The following PPA2 variants were observed in gnomAD, a reference collection of about 807,000 sequenced individuals.
The protein encoded by PPA2 is inorganic pyrophosphatase 2, mitochondrial.
Under a neutral mutation model 49.5 loss-of-function variants are expected in PPA2, and 48 were observed. The ratio of observed to expected loss-of-function variants is 0.97; its 90% CI spans 0.77 to 1.23. PPA2 has a LOEUF of 1.23. Among genes scored for constraint, PPA2 ranks in the 50% most tolerant of loss-of-function variants. The pLI is 0.00. For missense variants in PPA2, 429 were observed against 410.1 expected (o/e 1.05, Z -0.40); for synonymous variants, 131 against 139.9 (o/e 0.94, Z 0.45).
chr4:105,469,543 T>G (rs1229718843), intron 1 of PPA2, among the ~76,000 whole-genome samples: 1 of 152,182 alleles, frequency 6.6e-6, no homozygotes, highest in Non-Finnish European at 1.5e-5. Flanking sequence ...CTTATAGAGA[T>G]TCTTACTGGA....
intron 6 of PPA2, among the ~76,000 whole-genome samples, chr4:105,437,261 A>AG (rs36048348): frequency 0.57 from 86,869 of 151,958 alleles, 25,196 homozygotes; most frequent in East Asian, 0.68. Context: ...CTGGTTTCTG[A>AG]GCTCTACAAA....
At chr4:105,414,207 C>T (rs1276034467) in intron 7 of PPA2, among the ~76,000 whole-genome samples, 1 of 152,180 alleles carries the variant, frequency 6.6e-6, no homozygotes, top group Non-Finnish European at 1.5e-5. Context: ...AGCATTTACT[C>T]TCATACACTG....
Position 105,414,775 on chromosome 4 carries a change from C to A in PPA2, c.655+9421G>T, listed in dbSNP as rs563250794. Among the ~76,000 whole-genome samples the A allele has an allele frequency of 6.1e-4, 93 of 152,288 alleles. 5 individuals carry two copies. The South Asian group carries it at 0.019, about 31-fold the overall frequency. On this transcript the variant is annotated intron_variant, in intron 7 of 11. Coordinates refer to ENST00000341695, the MANE Select transcript of PPA2 (RefSeq NM_176869.3). ...TTTCAGCCTTGTTTGCCTTAGGGTTCTTTCAGTTTCGCCATTTGGGTGTTC... is the reference window on the plus strand; with the variant it reads ...TTTCAGCCTTGTTTGCCTTAGGGTTATTTCAGTTTCGCCATTTGGGTGTTC...
At chr4:105,385,879 A>ATTT (rs57267137) in intron 10 of PPA2, among the ~76,000 whole-genome samples, 15 of 131,050 alleles carry the variant, frequency 1.1e-4, no homozygotes, top group South Asian at 2.5e-4. Context: ...TTTATTTTCA[A>ATTT]TTTTTTTTTT....
intron 7 of PPA2, among the ~76,000 whole-genome samples, chr4:105,416,372 A>G (rs1180756805): frequency 6.6e-6 from 1 of 152,228 alleles, no homozygotes; most frequent in Non-Finnish European, 1.5e-5. Context: ...AAAGGGGAAA[A>G]AAGACACCAG....
At chr4:105,444,425 T>C (rs905754669) in intron 5 of PPA2, among the ~76,000 whole-genome samples, 11 of 152,292 alleles carry the variant, frequency 7.2e-5, no homozygotes, top group African/African-American at 2.4e-4. Context: ...AAAATATCAA[T>C]TTGGATATTG....
At chr4:105,414,450 T>C (rs116553093) in intron 7 of PPA2, among the ~76,000 whole-genome samples, 2,413 of 152,326 alleles carry the variant, frequency 0.016, 21 homozygotes, top group Middle Eastern at 0.044. Flanking sequence ...ATCCCACGCA[T>C]GCCAAGGGCA....
chr4:105,423,640 A>G (rs557944181), intron 7 of PPA2, among the ~76,000 whole-genome samples: 3 of 152,328 alleles, frequency 2.0e-5, no homozygotes, highest in South Asian at 2.1e-4. Flanking sequence ...TCTGACTCCA[A>G]ACAAAATTAA....
intron 6 of PPA2, among the ~76,000 whole-genome samples, chr4:105,425,236 A>C (rs1229439686): frequency 6.6e-6 from 1 of 152,228 alleles, no homozygotes; most frequent in Admixed American, 6.5e-5. Context: ...ATGGGGAAAA[A>C]ATTAAAAATC....
rs951729959 is a variant in PPA2 at position 105,398,209 on chromosome 4, AT to A, written c.783+827del. On this transcript the variant is annotated intron_variant, in intron 8 of 11. Transcript: ENST00000341695. ...TAAAATGAAAATTTTTAAAAGAAAAATAATGTATAAATTTTCAATCCTTTAA... is the reference window on the plus strand; with the variant it reads ...TAAAATGAAAATTTTTAAAAGAAAAAAATGTATAAATTTTCAATCCTTTAA... 297 of 152,180 alleles carry A rather than the reference AT, an allele frequency of 2.0e-3. 1 individual carries two copies. Among genetic ancestry groups the A allele is most frequent in the African/African-American group, 6.9e-3 (285 of 41,554 alleles). 9.4% of individuals were successfully genotyped at this position (152,180 alleles called of 1,614,324 possible). A position where few individuals can be genotyped will look rare whatever the true frequency, so the allele number is the denominator to read the frequency against.
chr4:105,410,585 G>A (rs1285602090), intron 7 of PPA2, among the ~76,000 whole-genome samples: 1 of 152,132 alleles, frequency 6.6e-6, no homozygotes, highest in African/African-American at 2.4e-5. Context: ...TACTCCTTGA[G>A]AAGAGTAAAC....
At chr4:105,459,234 T>C (rs1020496377) in intron 1 of PPA2, among the ~76,000 whole-genome samples, 2 of 152,184 alleles carry the variant, frequency 1.3e-5, no homozygotes, top group African/African-American at 2.4e-5. Flanking sequence ...ACTTTGGCTA[T>C]GGTCTATAAA....
At chr4:105,458,959 T>G (rs1203068071) in intron 1 of PPA2, among the ~76,000 whole-genome samples, 2 of 152,118 alleles carry the variant, frequency 1.3e-5, no homozygotes, top group African/African-American at 4.8e-5. Flanking sequence ...GGAGTTTTTG[T>G]AGTTGTTCAT....
chr4:105,438,852 T>C (rs1724199558), intron 5 of PPA2, among the ~76,000 whole-genome samples: 1 of 152,190 alleles, frequency 6.6e-6, no homozygotes, highest in Non-Finnish European at 1.5e-5. Flanking sequence ...CAGATTATCA[T>C]TATTATCTAA....
At chr4:105,388,572 C>T (rs1022194401) in intron 9 of PPA2, among the ~76,000 whole-genome samples, 2 of 152,054 alleles carry the variant, frequency 1.3e-5, no homozygotes, top group African/African-American at 2.4e-5. Context: ...CGCCAGTAAT[C>T]CCAGCACTTT....
chr4:105,471,002 T>C (rs1032040965), intron 1 of PPA2, among the ~76,000 whole-genome samples: 9 of 152,376 alleles, frequency 5.9e-5, no homozygotes, highest in African/African-American at 2.2e-4. Flanking sequence ...ATAAGTACTC[T>C]GTGGTTCAGT....
intron 1 of PPA2, chr4:105,473,498 GGGCTCT>G (rs1560649588): frequency 2.3e-6 from 1 of 431,444 alleles, no homozygotes; most frequent in Non-Finnish European, 4.5e-6. Flanking sequence ...GCGTGTGGGC[GGGCTCT>G]GCCTTCCCTT....
chr4:105,392,017 A>G (rs189951360), intron 9 of PPA2, among the ~76,000 whole-genome samples: 1 of 125,194 alleles, frequency 8.0e-6, no homozygotes, highest in Non-Finnish European at 1.9e-5. Context: ...AGATGGATCA[A>G]AATAAATAAT....
intron 9 of PPA2, among the ~76,000 whole-genome samples, chr4:105,389,037 T>TA (rs1733797519): frequency 6.6e-6 from 1 of 152,124 alleles, no homozygotes; most frequent in Non-Finnish European, 1.5e-5. Context: ...ATAATATATG[T>TA]AATCTAGGTT....
Sources: gnomAD v4.1 joint callset for allele counts (sites outside exome capture counted in the v4.1 genomes callset) on GRCh38, gnomAD v4.1.1 for gene constraint, MANE v1.5 for transcripts, NCBI Gene and HGNC (gene_info 2026-07-23, HGNC 2026-07-21) for gene names.